The following HTT variants were observed in gnomAD, a reference collection of about 807,000 sequenced individuals.
HTT encodes huntingtin.
Under a neutral mutation model 362.3 loss-of-function variants are expected in HTT, and 104 were observed. That is an observed-to-expected ratio of 0.29 (90% CI 0.24 to 0.34). The LOEUF (loss-of-function observed/expected upper bound fraction) is 0.34. Among genes scored for constraint, HTT ranks in the 10% least tolerant of loss-of-function variants. The pLI, the probability that HTT is intolerant of heterozygous loss-of-function variation, is 1.00. For synonymous variants in HTT, 1,577 were observed against 1,548.7 expected (o/e 1.02, Z -0.43); for missense variants, 3,301 against 3,928.6 (o/e 0.84, Z 4.27).
chr4:3,219,799 C>T (rs1039828127), intron 52 of HTT, among the ~76,000 whole-genome samples: 15 of 152,192 alleles, frequency 9.9e-5, no homozygotes, highest in Admixed American at 9.8e-4. Context: ...ATTTTCATGC[C>T]TGCTTGCCAA....
Position 3,238,865 on chromosome 4 carries a change from C to T in HTT, c.9102C>T (p.Asp3034=), listed in dbSNP as rs775319069. Residue 3034 remains aspartate (D), a synonymous_variant, in exon 66 of 67, where the codon GAC becomes GAT. Transcript: ENST00000355072. The part of the protein sequence containing the change: ...HSTGQSSMVR[D]WVMLSLSNFT... The stretch of plus-strand genomic sequence containing the variant: ...CCGGGCAGTCGTCCATGGTCCGGGA[C>T]TGGGTCATGCTGTCCCTCTCCAACT... 1.9e-5 allele frequency: 31 copies of T among 1,612,832 alleles called. No individual in the cohort carries two copies. Among genetic ancestry groups the T allele is most frequent in the Non-Finnish European group, 2.5e-5 (30 of 1,179,904 alleles).
intron 23 of HTT, among the ~76,000 whole-genome samples, chr4:3,144,763 C>T (rs192188760): frequency 1.3e-5 from 2 of 152,284 alleles, no homozygotes; most frequent in South Asian, 2.1e-4. Context: ...CCGACTGTGT[C>T]GGGCACTGTT....
At position 3,238,508 on chromosome 4, in the gene HTT, G is replaced by T; in HGVS notation, c.8953G>T (p.Asp2985Tyr). 1 of 1,613,514 alleles carries T rather than the reference G, an allele frequency of 6.2e-7. No homozygotes were observed. Among genetic ancestry groups the T allele is most frequent in the Non-Finnish European group, 8.5e-7 (1 of 1,179,730 alleles). Residue 2985 changes from aspartate (D) to tyrosine (Y), a missense_variant, in exon 65 of 67, where the codon GAC becomes TAC. By Grantham distance (160) the Asp-to-Tyr change is radical. Transcript: ENST00000355072. Reference protein sequence around the residue: ...VVARILPQFLDDFFPPQDIMN... With the variant: ...VVARILPQFLYDFFPPQDIMN... ...GGCCAGGATCCTGCCCCAGTTTCTA[G>T]ACGACTTCTTCCCACCCCAGGACAT...
intron 57 of HTT, among the ~76,000 whole-genome samples, chr4:3,227,910 A>AG (rs1560603116): frequency 6.6e-6 from 1 of 152,114 alleles, no homozygotes; most frequent in African/African-American, 2.4e-5. Flanking sequence ...GGTGGGGGTT[A>AG]GGGGTCTGGG....
chr4:3,172,182 T>C, intron 29 of HTT, 138 bp from the exon 30 acceptor site: 1 of 663,366 alleles, frequency 1.5e-6, no homozygotes, highest in South Asian at 1.8e-5. Flanking sequence ...AATAAGAAAT[T>C]GAAAACTTTC....
chr4:3,238,422 C>T (rs369383174), intron 64 of HTT, 25 bp from the exon 65 acceptor site: 3 of 1,587,794 alleles, frequency 1.9e-6, no homozygotes, highest in African/African-American at 2.7e-5. Context: ...TGGTGCCAGT[C>T]TCTGACCTGC....
chr4:3,228,685 AG>A lies in HTT; in HGVS notation c.7921del (p.Glu2641ArgfsTer56). On this transcript the variant is annotated frameshift_variant, in exon 58 of 67. Transcript: ENST00000355072. LOFTEE classifies it high-confidence loss of function. The surrounding 1 kb of genome is among the most constrained non-coding windows in gnomAD (Gnocchi z 4.3). Reference sequence around the variant, plus strand: ...AGGGAGGAGGAATGGGACGAGGAAGAGGAGGAGGAGGCCGACGCCCCTGCAC... The same window carrying A: ...AGGGAGGAGGAATGGGACGAGGAAGAGAGGAGGAGGCCGACGCCCCTGCAC... ...PLREEEWDEE[E>X]EEEADAPAPS... 2.8e-6 allele frequency: 4 copies of A among 1,405,828 alleles called. No homozygotes were observed. The highest frequency in any genetic ancestry group is 4.0e-6 in the Non-Finnish European group (4 of 1,010,060). The allele number at this position is 1,405,828 out of a possible 1,614,324, so 87.1% of individuals were successfully genotyped here.
chr4:3,083,665 A>G (rs909066664), intron 1 of HTT, among the ~76,000 whole-genome samples: 4 of 151,996 alleles, frequency 2.6e-5, no homozygotes, highest in African/African-American at 9.7e-5. Flanking sequence ...TAGAAAAACT[A>G]GGTCACTTAT....
chr4:3,183,682 C>G (rs1008584892), intron 37 of HTT, among the ~76,000 whole-genome samples: 2 of 152,194 alleles, frequency 1.3e-5, no homozygotes, highest in African/African-American at 4.8e-5. Flanking sequence ...GTCAGGGTCT[C>G]CCTGCCTACA....
chr4:3,204,149 G>A lies in HTT; in HGVS notation c.5718+1G>A, dbSNP rs1162466085. On this transcript the variant is annotated splice_donor_variant, in intron 42 of 66. Transcript: ENST00000355072. LOFTEE classifies it high-confidence loss of function. ...TCTCATTCTCTTCTGTGATTATGTC[G>A]TAAGTTTGAAATGCCTGTAAACGGG... 1 of 1,614,110 alleles carries A rather than the reference G, an allele frequency of 6.2e-7. No homozygotes were observed. The highest frequency in any genetic ancestry group is 1.1e-5 in the South Asian group (1 of 91,086).
intron 8 of HTT, among the ~76,000 whole-genome samples, chr4:3,120,793 T>C (rs141653886): frequency 4.3e-4 from 65 of 152,348 alleles, no homozygotes; most frequent in African/African-American, 1.4e-3. Context: ...CACTGTGATA[T>C]AGTATTAAAA....
chr4:3,216,808 G>A (rs987463837), intron 51 of HTT, among the ~76,000 whole-genome samples: 3 of 152,012 alleles, frequency 2.0e-5, no homozygotes, highest in South Asian at 2.1e-4. Context: ...GGCGGATCAC[G>A]AGGTCAGGAG....
At chr4:3,118,143 C>T (rs1715121488) in intron 8 of HTT, among the ~76,000 whole-genome samples, 1 of 152,086 alleles carries the variant, frequency 6.6e-6, no homozygotes, top group Non-Finnish European at 1.5e-5. Flanking sequence ...TTTTTCTCTT[C>T]TCTGTATTTC....
At chr4:3,114,832 C>T (rs191666166) in intron 6 of HTT, among the ~76,000 whole-genome samples, 398 of 152,246 alleles carry the variant, frequency 2.6e-3, no homozygotes, top group Middle Eastern at 6.8e-3. Flanking sequence ...GGGTAGTATG[C>T]GGTCATGTCC....
chr4:3,131,774 T>A lies in HTT; in HGVS notation c.2235T>A (p.Pro745=). The A allele has an allele frequency of 6.2e-7, 1 of 1,611,182 alleles. No homozygotes were observed. Among genetic ancestry groups the A allele is most frequent in the Non-Finnish European group, 8.5e-7 (1 of 1,178,824 alleles). Reference sequence around the variant, plus strand: ...TTCCTCTTGACACCACGGAATACCCTGGTATGTTAAAAGTTCACATCTTAT... The same window carrying A: ...TTCCTCTTGACACCACGGAATACCCAGGTATGTTAAAAGTTCACATCTTAT... ...YKVPLDTTEY[P]EEQYVSDILN... is the part of the protein sequence containing the mutation. The change falls in exon 16 of 67, where the codon CCT becomes CCA. Residue 745 remains proline (P), a splice_region_variant and synonymous_variant. Transcript: ENST00000355072.
At chr4:3,099,034 C>T (rs1485313040) in intron 2 of HTT, among the ~76,000 whole-genome samples, 1 of 151,676 alleles carries the variant, frequency 6.6e-6, no homozygotes, top group Non-Finnish European at 1.5e-5. Flanking sequence ...TTTCATATAC[C>T]CTACATCCAG....
chr4:3,096,326 A>G (rs765633511), intron 2 of HTT, among the ~76,000 whole-genome samples: 1 of 152,222 alleles, frequency 6.6e-6, no homozygotes, highest in Admixed American at 6.5e-5. Context: ...CGTAGCCATA[A>G]TATCTGGATC....
chr4:3,096,491 A>G (rs539318244), intron 2 of HTT, among the ~76,000 whole-genome samples: 204 of 152,352 alleles, frequency 1.3e-3, no homozygotes, highest in Non-Finnish European at 2.2e-3. Context: ...CTCTAAATTA[A>G]AAGCATTCAA....
At chr4:3,239,345 T>C (rs1721699293) in intron 66 of HTT, among the ~76,000 whole-genome samples, 1 of 152,204 alleles carries the variant, frequency 6.6e-6, no homozygotes, top group Admixed American at 6.5e-5. Flanking sequence ...CTTTGGTCAT[T>C]GTGCCTCGAT....
Sources: gnomAD v4.1 joint callset for allele counts (sites outside exome capture counted in the v4.1 genomes callset) on GRCh38, gnomAD v4.1.1 for gene constraint, Gnocchi (gnomAD v3.1) non-coding constraint, MANE v1.5 for transcripts, NCBI Gene and HGNC (gene_info 2026-07-23, HGNC 2026-07-21) for gene names.